Variants in DSCAML1 observed in about 807,000 individuals in gnomAD.
The protein encoded by DSCAML1 is DS cell adhesion molecule like 1, also known as cell adhesion molecule DSCAML1.
Under a neutral mutation model 200.5 loss-of-function variants are expected in DSCAML1, and 38 were observed. The observed-to-expected ratio is 0.19, with a 90% CI of 0.15 to 0.25. DSCAML1 has a LOEUF of 0.25. Among genes scored for constraint, DSCAML1 ranks in the 10% least tolerant of loss-of-function variants. The probability of loss-of-function intolerance (pLI) is 1.00; values close to 1 mark genes in which losing one functional copy is unlikely to be tolerated. For synonymous variants in DSCAML1, 1,215 were observed against 1,165.0 expected (o/e 1.04, Z -0.87); for missense variants, 2,223 against 2,858.8 (o/e 0.78, Z 5.07).
Position 117,524,981 on chromosome 11 carries a change from A to T in DSCAML1, c.761T>A (p.Ile254Asn). ...ELPCTASGYP[I>N]PAIRWLKDGR... ...ATCCTTGAGCCAGCGGATGGCGGGG[A>T]TAGGGTAGCCCGAGGCGGTGCAGGG... Residue 254 changes from isoleucine (I) to asparagine (N), a missense_variant, in exon 5 of 33, where the codon ATC (isoleucine) becomes AAC (asparagine). Physicochemically the swap from Ile to Asn is moderately radical, Grantham distance 149. Coordinates refer to ENST00000651296, the MANE Select transcript of DSCAML1 (RefSeq NM_020693.4). 1 of 1,612,178 alleles carries T rather than the reference A, an allele frequency of 6.2e-7. No individual in the cohort carries two copies. The highest frequency in any genetic ancestry group is 8.5e-7 in the Non-Finnish European group (1 of 1,179,510).
intron 3 of DSCAML1, among the ~76,000 whole-genome samples, chr11:117,755,265 T>C (rs1345718485): frequency 6.6e-6 from 1 of 152,108 alleles, no homozygotes; most frequent in African/African-American, 2.4e-5. Context: ...GAACCTGAAT[T>C]ATGTGAACGC....
chr11:117,806,191 G>A (rs1229008493), intron 1 of DSCAML1, among the ~76,000 whole-genome samples: 2 of 152,202 alleles, frequency 1.3e-5, no homozygotes, highest in African/African-American at 2.4e-5. Flanking sequence ...CAAGGGGTTC[G>A]ATAAGTCTGT....
At position 117,428,195 on chromosome 11, in the gene DSCAML1, T is replaced by G; in HGVS notation, c.*133A>C. 2 of 629,546 alleles carry G rather than the reference T, an allele frequency of 3.2e-6. No individual in the cohort carries two copies. The highest frequency in any genetic ancestry group is 5.7e-6 in the Non-Finnish European group (2 of 349,504). 39.0% of individuals were successfully genotyped at this position (629,546 alleles called of 1,614,324 possible). ...GAGTTCTATGTACAGGCGTTCATGA[T>G]TGGGGGTTTTTGTTTTGTCGTTGGT... On this transcript the variant is annotated 3_prime_UTR_variant, in exon 33 of 33. Transcript: ENST00000651296.
chr11:117,762,991 C>T (rs541227201), intron 3 of DSCAML1, among the ~76,000 whole-genome samples: 16 of 152,146 alleles, frequency 1.1e-4, no homozygotes, highest in African/African-American at 3.6e-4. Context: ...ATTTAGTTTG[C>T]CTTAGATCCC....
At chr11:117,756,443 G>A (rs549734989) in intron 3 of DSCAML1, among the ~76,000 whole-genome samples, 5 of 152,276 alleles carry the variant, frequency 3.3e-5, no homozygotes, top group Middle Eastern at 6.8e-3. Context: ...GCAGAATTCG[G>A]CAGAGTTGGG....
At chr11:117,613,392 G>A (rs2051737442) in intron 3 of DSCAML1, among the ~76,000 whole-genome samples, 2 of 152,146 alleles carry the variant, frequency 1.3e-5, no homozygotes, top group South Asian at 4.2e-4. Context: ...TGAGGCAGAA[G>A]CTTAAAGGGG....
At chr11:117,585,075 CT>C (rs978290761) in intron 3 of DSCAML1, among the ~76,000 whole-genome samples, 2 of 152,118 alleles carry the variant, frequency 1.3e-5, no homozygotes, top group African/African-American at 4.8e-5. Flanking sequence ...CCAGATTATC[CT>C]TGTAAATATT....
At chr11:117,794,127 G>C (rs2134075222) in intron 1 of DSCAML1, among the ~76,000 whole-genome samples, 1 of 151,590 alleles carries the variant, frequency 6.6e-6, no homozygotes, top group South Asian at 2.1e-4. Flanking sequence ...TCCCAAGAGA[G>C]AAGAACCATG....
At position 117,437,712 on chromosome 11, in the gene DSCAML1, C is replaced by T. The variant is rs1364671687; in HGVS notation, c.4432+183G>A. Among the ~76,000 whole-genome samples the T allele has an allele frequency of 6.6e-6, 1 of 152,150 alleles. No individual in the cohort carries two copies. ...GGTGGGGAAGTGGAACTAGTTTTTC[C>T]TAATGGGATCCATCGGGACACTGTG... On this transcript the variant is annotated intron_variant, in intron 25 of 32. Transcript: ENST00000651296. The surrounding 1 kb of genome is among the most constrained non-coding windows in gnomAD (Gnocchi z 5.3).
At chr11:117,682,807 G>A (rs143949230) in intron 3 of DSCAML1, among the ~76,000 whole-genome samples, 3 of 152,324 alleles carry the variant, frequency 2.0e-5, no homozygotes, top group Non-Finnish European at 4.4e-5. Flanking sequence ...AAGGCCAGAG[G>A]CTGGCTGGAG....
intron 3 of DSCAML1, among the ~76,000 whole-genome samples, chr11:117,653,517 G>C (rs1256747709): frequency 6.6e-6 from 1 of 152,074 alleles, no homozygotes; most frequent in Admixed American, 6.5e-5. Context: ...GTAGACCCCC[G>C]GGCTAGCCCA....
At chr11:117,672,565 C>A (rs186671501) in intron 3 of DSCAML1, among the ~76,000 whole-genome samples, 129 of 152,274 alleles carry the variant, frequency 8.5e-4, no homozygotes, top group Middle Eastern at 3.4e-3. Flanking sequence ...CAGTTCCCAG[C>A]GACGCAATCA....
chr11:117,648,433 G>A (rs149201614), intron 3 of DSCAML1, among the ~76,000 whole-genome samples: 2 of 152,310 alleles, frequency 1.3e-5, no homozygotes, highest in East Asian at 1.9e-4. Context: ...CTTGGATCAC[G>A]CAGCAGCCAA....
intron 3 of DSCAML1, among the ~76,000 whole-genome samples, chr11:117,740,832 CAGA>C (rs2054408865): frequency 6.6e-6 from 1 of 152,232 alleles, no homozygotes; most frequent in Non-Finnish European, 1.5e-5. Flanking sequence ...CTCGCATCTC[CAGA>C]AGGAGTACAG....
chr11:117,704,511 C>T (rs920116251), intron 3 of DSCAML1, among the ~76,000 whole-genome samples: 4 of 152,120 alleles, frequency 2.6e-5, no homozygotes, highest in Non-Finnish European at 5.9e-5. Context: ...GTAGTTGAAA[C>T]TCAGACTTGC....
chr11:117,719,957 T>C (rs990421773), intron 3 of DSCAML1, among the ~76,000 whole-genome samples: 10 of 152,334 alleles, frequency 6.6e-5, no homozygotes, highest in African/African-American at 2.4e-4. Flanking sequence ...TGTGGCCCCC[T>C]AACCCTGAAC....
intron 3 of DSCAML1, among the ~76,000 whole-genome samples, chr11:117,643,511 G>T (rs905765345): frequency 1.3e-5 from 2 of 152,176 alleles, no homozygotes; most frequent in African/African-American, 4.8e-5. Context: ...TTTCTGGAGG[G>T]TGAGAGATTT....
At chr11:117,804,400 T>C (rs2055691559) in intron 1 of DSCAML1, among the ~76,000 whole-genome samples, 1 of 152,236 alleles carries the variant, frequency 6.6e-6, no homozygotes, top group Admixed American at 6.5e-5. Context: ...TTATCTAATT[T>C]CACTGTCCAC....
intron 3 of DSCAML1, among the ~76,000 whole-genome samples, chr11:117,562,317 CACA>C (rs762876146): frequency 2.0e-5 from 3 of 152,216 alleles, no homozygotes; most frequent in African/African-American, 7.2e-5. Flanking sequence ...CTCCCATACA[CACA>C]ACAACACCCC....
Sources: allele counts gnomAD v4.1 joint callset (sites outside exome capture counted in the v4.1 genomes callset), GRCh38; gene constraint gnomAD v4.1.1; non-coding constraint Gnocchi (gnomAD v3.1); transcripts MANE v1.5; gene names NCBI Gene and HGNC (gene_info 2026-07-23, HGNC 2026-07-21).